Variants in CCDC81 observed in about 807,000 individuals in gnomAD.
The protein encoded by CCDC81 is coiled-coil domain-containing protein 81.
CCDC81 carries 79 observed loss-of-function variants against 83.7 expected under a neutral mutation model. That is an observed-to-expected ratio of 0.94 (90% CI 0.79 to 1.14). The LOEUF is 1.14. CCDC81 is among the 50% of genes most tolerant of loss of function. The pLI is 0.00. For missense variants in CCDC81, 791 were observed against 778.1 expected (o/e 1.02, Z -0.20); for synonymous variants, 252 against 278.1 (o/e 0.91, Z 0.93).
rs1167623263 is a variant in CCDC81 at position 86,407,685 on chromosome 11, A to C, written c.953A>C (p.His318Pro). Residue 318 changes from histidine (H) to proline (P), a missense_variant, in exon 8 of 15, where the codon CAT becomes CCT. By Grantham distance (77) the His-to-Pro change is moderately conservative. Coordinates refer to ENST00000445632, the MANE Select transcript of CCDC81 (RefSeq NM_001156474.2). The stretch of plus-strand genomic sequence containing the variant: ...CAAACATCTCCAGCTTGCCAGGATC[A>C]TAACAAGGCAGGACAGGTACAGTGT... ...KPQTSPACQD[H>P]NKAGQEMCYV... The C allele has an allele frequency of 6.2e-7, 1 of 1,613,130 alleles. No individual in the cohort carries two copies. Among genetic ancestry groups the C allele is most frequent in the African/African-American group, 1.3e-5 (1 of 74,894 alleles).
chr11:86,375,622 C>G (rs1251777835), intron 1 of CCDC81, among the ~76,000 whole-genome samples: 5 of 152,084 alleles, frequency 3.3e-5, no homozygotes, highest in Non-Finnish European at 1.5e-5. Context: ...AGAGTTCATG[C>G]AAAGACGGTT....
In CCDC81 at chr11:86,402,647, GAGTCCAT is replaced by G. The variant is rs1450063349; in HGVS notation, c.881+1847_881+1853del. On this transcript the variant is annotated intron_variant, in intron 7 of 14. Coordinates refer to ENST00000445632, the MANE Select transcript of CCDC81 (RefSeq NM_001156474.2). The stretch of plus-strand genomic sequence containing the variant: ...AAGTTAAATTTCAGAGATAAGAGGT[GAGTCCAT>G]TTTCATGCCTTTGATACACATTTCC... 2.0e-5 allele frequency among the ~76,000 whole-genome samples: 3 copies of G among 152,288 alleles called. No homozygotes were observed. In the South Asian group the frequency reaches 6.2e-4, roughly 32 times the overall value.
Position 86,397,640 on chromosome 11 carries a change from G to A in CCDC81, c.655G>A (p.Glu219Lys), listed in dbSNP as rs1456493966. The change falls in exon 6 of 15, where the codon GAA (glutamate) becomes AAA (lysine). Residue 219 changes from glutamate to lysine, a missense_variant. By Grantham distance (56) the Glu-to-Lys change is moderately conservative. Coordinates refer to ENST00000445632, the MANE Select transcript of CCDC81 (RefSeq NM_001156474.2). The stretch of plus-strand genomic sequence containing the variant: ...TCCTAGGATTGAGCTCAAGGAGATG[G>A]AAAACAAACTGCCTATGGAGACCCT... ...AFPRIELKEM[E>K]NKLPMETLVE... 2 of 1,612,768 alleles carry A rather than the reference G, an allele frequency of 1.2e-6. No individual in the cohort carries two copies. The highest frequency in any genetic ancestry group is 1.1e-5 in the South Asian group (1 of 90,896).
At chr11:86,408,844 G>A (rs1948598368) in intron 9 of CCDC81, among the ~76,000 whole-genome samples, 1 of 152,094 alleles carries the variant, frequency 6.6e-6, no homozygotes, top group African/African-American at 2.4e-5. Flanking sequence ...GGAATTATTG[G>A]ATTTATGTTT....
At chr11:86,422,311 T>C (rs749155330) in intron 14 of CCDC81, among the ~76,000 whole-genome samples, 3 of 152,160 alleles carry the variant, frequency 2.0e-5, no homozygotes, top group Non-Finnish European at 2.9e-5. Flanking sequence ...GCAAGTTCTC[T>C]GTGGGCTTGG....
chr11:86,392,460 A>G, intron 3 of CCDC81, 81 bp from the exon 4 acceptor site: 3 of 1,437,648 alleles, frequency 2.1e-6, no homozygotes, highest in Non-Finnish European at 2.8e-6. Context: ...GAATCAGATA[A>G]TTATTTGTGA....
chr11:86,380,926 C>T (rs907228740), intron 1 of CCDC81, among the ~76,000 whole-genome samples: 1 of 152,244 alleles, frequency 6.6e-6, no homozygotes. Context: ...CCTGCCATGT[C>T]TGGCTCTGAT....
intron 1 of CCDC81, among the ~76,000 whole-genome samples, chr11:86,376,320 T>C (rs557668230): frequency 2.1e-4 from 32 of 152,292 alleles, no homozygotes; most frequent in Middle Eastern, 6.8e-3. Context: ...AGGGACAATA[T>C]ATTAGTTTAT....
chr11:86,387,397 T>A (rs1948257269), intron 2 of CCDC81, 119 bp from the exon 3 acceptor site: 1 of 832,566 alleles, frequency 1.2e-6, no homozygotes, highest in African/African-American at 1.7e-5. Context: ...GTCCTAGAGA[T>A]CACTGAATTT....
intron 2 of CCDC81, among the ~76,000 whole-genome samples, chr11:86,386,783 T>C (rs942582865): frequency 6.6e-5 from 10 of 152,222 alleles, no homozygotes; most frequent in African/African-American, 2.2e-4. Context: ...TTGGATTTTT[T>C]CCCTCCCTTT....
chr11:86,382,775 C>T (rs980567349), intron 1 of CCDC81, among the ~76,000 whole-genome samples: 7 of 151,980 alleles, frequency 4.6e-5, no homozygotes, highest in South Asian at 2.1e-4. Context: ...GCAAGGGAGA[C>T]TGAAGAAATG....
chr11:86,411,920 T>G (rs912257582), intron 10 of CCDC81, among the ~76,000 whole-genome samples: 22 of 152,326 alleles, frequency 1.4e-4, no homozygotes, highest in African/African-American at 5.1e-4. Flanking sequence ...CACCAGATGA[T>G]TGCATTCAGA....
intron 12 of CCDC81, 23 bp from the exon 13 acceptor site, chr11:86,415,070 C>T (rs750030987): frequency 1.9e-6 from 3 of 1,608,044 alleles, no homozygotes; most frequent in Non-Finnish European, 2.6e-6. Flanking sequence ...TGATAACCTG[C>T]ATTATGTGTA....
chr11:86,378,266 T>C (rs1948126012), intron 1 of CCDC81, among the ~76,000 whole-genome samples: 1 of 152,186 alleles, frequency 6.6e-6, no homozygotes, highest in South Asian at 2.1e-4. Flanking sequence ...TCCCCATGTA[T>C]TTTGGGATTT....
chr11:86,415,724 A>G (rs1398686284), intron 13 of CCDC81, among the ~76,000 whole-genome samples: 2 of 152,040 alleles, frequency 1.3e-5, no homozygotes, highest in Non-Finnish European at 2.9e-5. Context: ...CCCAGGCTGG[A>G]GTGCAGTGGC....
In CCDC81 at chr11:86,408,277, C is replaced by T. The variant is rs1395761467; in HGVS notation, c.1113+7C>T. The T allele has an allele frequency of 1.2e-6, 2 of 1,604,680 alleles. No homozygotes were observed. Among genetic ancestry groups the T allele is most frequent in the African/African-American group, 2.7e-5 (2 of 74,432 alleles). On this transcript the variant is annotated splice_region_variant and intron_variant, in intron 9 of 14. Coordinates refer to ENST00000445632, the MANE Select transcript of CCDC81 (RefSeq NM_001156474.2). ...GGCTCTCTTCAGACACCAGGTAGTC[C>T]AACACCTCGATTAGTCTTTAATATG... is the stretch of plus-strand genomic sequence containing the variant.
rs762076217 is a variant in CCDC81 at position 86,422,720 on chromosome 11, C to A, written c.*5C>A. On this transcript the variant is annotated 3_prime_UTR_variant, in exon 15 of 15. Coordinates refer to ENST00000445632, the MANE Select transcript of CCDC81 (RefSeq NM_001156474.2). ...GGCTCCCGGTTGCTTGTGTAAAACT[C>A]AAAGTTTGGCTCTTCGTTTCCCGGG... The A allele has an allele frequency of 5.0e-6, 8 of 1,610,192 alleles. No homozygotes were observed. The South Asian group carries it at 8.8e-5, about 18-fold the overall frequency.
At chr11:86,407,973 G>C (rs191638493) in intron 8 of CCDC81, among the ~76,000 whole-genome samples, 154 bp from the exon 9 acceptor site, 1 of 152,144 alleles carries the variant, frequency 6.6e-6, no homozygotes, top group African/African-American at 2.4e-5. Flanking sequence ...AGTATTTCTG[G>C]GGTCCACTCT....
intron 8 of CCDC81, 41 bp downstream of exon 8, chr11:86,407,742 T>C (rs760730883): frequency 2.1e-6 from 3 of 1,462,956 alleles, no homozygotes; most frequent in Middle Eastern, 1.7e-4. Flanking sequence ...CAGAATCTTA[T>C]ACTGATTTTT....
Sources: gnomAD v4.1 joint callset for allele counts (sites outside exome capture counted in the v4.1 genomes callset) on GRCh38, gnomAD v4.1.1 for gene constraint, MANE v1.5 for transcripts, NCBI Gene and HGNC (gene_info 2026-07-23, HGNC 2026-07-21) for gene names.